Variants in PIEZO2 observed in about 807,000 individuals in gnomAD.
The protein encoded by PIEZO2 is piezo-type mechanosensitive ion channel component 2.
In PIEZO2, 172 loss-of-function variants were observed where a neutral mutation model predicts 337.3. The ratio of observed to expected loss-of-function variants is 0.51; its 90% CI spans 0.45 to 0.58. The LOEUF (loss-of-function observed/expected upper bound fraction) is 0.58. Ranked by LOEUF, PIEZO2 falls within the 20% of genes least tolerant of loss-of-function variation. The pLI is 0.00. For missense variants in PIEZO2, 3,028 were observed against 3,391.3 expected, an observed-to-expected ratio of 0.89 and a Z score of 2.66; for synonymous variants, 1,251 against 1,228.5, an observed-to-expected ratio of 1.02 and a Z score of -0.38.
chr18:10,907,692 G>A (rs1386809721), intron 4 of PIEZO2, among the ~76,000 whole-genome samples: 3 of 152,092 alleles, frequency 2.0e-5, no homozygotes, highest in Non-Finnish European at 4.4e-5. Context: ...ATTAGCACAG[G>A]CAGGGTGTCC....
intron 31 of PIEZO2, 28 bp from the exon 32 acceptor site, chr18:10,742,643 C>T (rs902677341): frequency 1.2e-5 from 18 of 1,535,320 alleles, no homozygotes; most frequent in Non-Finnish European, 1.5e-5. Context: ...ATTAGTAATG[C>T]CAAGAACATA....
At chr18:10,671,828 A>G in intron 55 of PIEZO2, 49 bp from the exon 56 acceptor site, 1 of 1,450,386 alleles carries the variant, frequency 6.9e-7, no homozygotes, top group Non-Finnish European at 9.2e-7. Flanking sequence ...AAATATAGTT[A>G]ATAAAGAAAA....
rs1473731967 is a variant in PIEZO2 at position 11,143,639 on chromosome 18, A to ACACACTCT, written c.64+4885_64+4886insAGAGTGTG. On this transcript the variant is annotated intron_variant, in intron 1 of 55. Coordinates refer to ENST00000674853, the MANE Select transcript of PIEZO2 (RefSeq NM_001378183.1). This position sits in a 1 kb window ranked among gnomAD's most constrained non-coding sequence, Gnocchi z 4.9. Reference sequence around the variant, plus strand: ...CACACACACACACACACACACACACACTCTCTCTCTCTCTCTCTCTCTCTC... The same window carrying ACACACTCT: ...CACACACACACACACACACACACACACACACTCTCTCTCTCTCTCTCTCTCTCTCTCTC... Among the ~76,000 whole-genome samples the ACACACTCT allele has an allele frequency of 5.5e-4, 51 of 92,828 alleles. No individual in the cohort carries two copies. The highest frequency in any genetic ancestry group is 2.5e-3 in the African/African-American group (47 of 18,794). 60.9% of individuals were successfully genotyped at this position (92,828 alleles called of 152,430 possible). A position where few individuals can be genotyped will look rare whatever the true frequency, so the allele number is the denominator to read the frequency against.
At chr18:10,958,447 GA>G (rs1383831052) in intron 3 of PIEZO2, among the ~76,000 whole-genome samples, 1 of 152,162 alleles carries the variant, frequency 6.6e-6, no homozygotes. Flanking sequence ...TTAGACTGAA[GA>G]CTAAGTGTTT....
chr18:10,794,114 A>G lies in PIEZO2; in HGVS notation c.1758+658T>C, dbSNP rs2144201057. Among the ~76,000 whole-genome samples, 1 of 152,318 alleles carries G rather than the reference A, an allele frequency of 6.6e-6. No individual in the cohort carries two copies. The highest frequency in any genetic ancestry group is 1.9e-4 in the East Asian group (1 of 5,186). ...TTTACTGTCTTAAAACTAAATTATT[A>G]ACACAAAGGGAATGTGTGTTTAGTC... is the stretch of plus-strand genomic sequence containing the variant. On this transcript the variant is annotated intron_variant, in intron 13 of 55. Transcript: ENST00000674853. The surrounding 1 kb of genome is among the most constrained non-coding windows in gnomAD (Gnocchi z 6.6).
At chr18:10,699,378 G>A (rs1008075142) in intron 43 of PIEZO2, among the ~76,000 whole-genome samples, 9 of 152,254 alleles carry the variant, frequency 5.9e-5, no homozygotes, top group East Asian at 1.9e-4. Context: ...GAGTCATGGC[G>A]GCAGGTCTTT....
At chr18:10,843,829 A>G (rs1426394296) in intron 7 of PIEZO2, among the ~76,000 whole-genome samples, 4 of 152,188 alleles carry the variant, frequency 2.6e-5, no homozygotes, top group Non-Finnish European at 5.9e-5. Context: ...CACACCCATT[A>G]GGTCCAGACC....
At chr18:11,023,391 A>G (rs1410475191) in intron 2 of PIEZO2, among the ~76,000 whole-genome samples, 1 of 152,158 alleles carries the variant, frequency 6.6e-6, no homozygotes, top group Admixed American at 6.5e-5. Flanking sequence ...AAGGTTCTCC[A>G]AGTCCCCACC....
intron 7 of PIEZO2, among the ~76,000 whole-genome samples, chr18:10,808,046 A>G (rs1399679625): frequency 6.6e-6 from 1 of 152,178 alleles, no homozygotes; most frequent in Non-Finnish European, 1.5e-5. Flanking sequence ...ATAAAACTTT[A>G]TAGGTTAAGT....
In PIEZO2 at chr18:11,126,424, T is replaced by C. The variant is rs1322317049; in HGVS notation, c.64+22101A>G. 1.3e-5 allele frequency among the ~76,000 whole-genome samples: 2 copies of C among 152,178 alleles called. No homozygotes were observed. The highest frequency in any genetic ancestry group is 2.9e-5 in the Non-Finnish European group (2 of 68,040). ...ATGACTGTTCCATCTTACTGTCCCC[T>C]AGGCCTGGTAAAGGGCACTCCTCAC... On this transcript the variant is annotated intron_variant, in intron 1 of 55. Transcript: ENST00000674853. This position sits in a 1 kb window ranked among gnomAD's most constrained non-coding sequence, Gnocchi z 4.6.
rs2038977327 is a variant in PIEZO2, at chr18:10,781,414, G to C, written c.2493-1048C>G. ...GAACCCAGGAGGTGGAGGTTGCAGT[G>C]AGCCGAGATGGCACCACTGCACTCC... On this transcript the variant is annotated intron_variant, in intron 17 of 55. Transcript: ENST00000674853. This position sits in a 1 kb window ranked among gnomAD's most constrained non-coding sequence, Gnocchi z 4.1. Among the ~76,000 whole-genome samples the C allele has an allele frequency of 6.6e-6, 1 of 151,936 alleles. No individual in the cohort carries two copies. Among genetic ancestry groups the C allele is most frequent in the African/African-American group, 2.4e-5 (1 of 41,424 alleles).
intron 7 of PIEZO2, among the ~76,000 whole-genome samples, chr18:10,845,901 A>G (rs2041343133): frequency 6.6e-6 from 1 of 152,216 alleles, no homozygotes; most frequent in Non-Finnish European, 1.5e-5. Context: ...ATATTTGCAA[A>G]CACCACGTTA....
intron 3 of PIEZO2, among the ~76,000 whole-genome samples, chr18:10,968,939 G>T (rs987319028): frequency 1.3e-5 from 2 of 152,114 alleles, no homozygotes; most frequent in Non-Finnish European, 2.9e-5. Flanking sequence ...AAGAAGAATT[G>T]TCCAAATCCA....
chr18:10,854,663 C>T lies in PIEZO2; in HGVS notation c.917+690G>A, dbSNP rs570428353. ...AATCGAAGCAAAGTATTTGATGTTT[C>T]TCCCTTTCTCTCTCACACCAGAGAC... On this transcript the variant is annotated intron_variant, in intron 7 of 55. Transcript: ENST00000674853. This position sits in a 1 kb window ranked among gnomAD's most constrained non-coding sequence, Gnocchi z 4.6. Among the ~76,000 whole-genome samples, 72 of 152,282 alleles carry T rather than the reference C, an allele frequency of 4.7e-4. 1 individual carries two copies. The highest frequency in any genetic ancestry group is 1.6e-3 in the African/African-American group (66 of 41,560).
intron 21 of PIEZO2, among the ~76,000 whole-genome samples, chr18:10,764,363 C>T (rs1288064312): frequency 1.3e-5 from 2 of 151,994 alleles, no homozygotes; most frequent in East Asian, 1.9e-4. Flanking sequence ...AAGAAGAGGC[C>T]GGGTGAGGTG....
chr18:10,784,623 CTTCCACATGT>C lies in PIEZO2; in HGVS notation c.2492+151_2492+160del, dbSNP rs1259755302. Among the ~76,000 whole-genome samples, 1 of 152,100 alleles carries C rather than the reference CTTCCACATGT, an allele frequency of 6.6e-6. No individual in the cohort carries two copies. The highest frequency in any genetic ancestry group is 1.5e-5 in the Non-Finnish European group (1 of 68,044). On this transcript the variant is annotated intron_variant, in intron 17 of 55. Transcript: ENST00000674853. The surrounding 1 kb of genome is among the most constrained non-coding windows in gnomAD (Gnocchi z 4.5). The stretch of plus-strand genomic sequence containing the variant: ...ATTGTTTCAGAACGTGTCACAGAAT[CTTCCACATGT>C]TTTCCTCTTTTTCTCACAAGCTGAT...
At position 10,982,547 on chromosome 18, in the gene PIEZO2, T is replaced by C. The variant is rs2034710831; in HGVS notation, c.161-2887A>G. ...CTTTTACACCTTTGACAAGTATATT[T>C]CAAAATATGTAAGAAAAGAATGCTT... On this transcript the variant is annotated intron_variant, in intron 2 of 55. Transcript: ENST00000674853. This position sits in a 1 kb window ranked among gnomAD's most constrained non-coding sequence, Gnocchi z 4.1. 6.6e-6 allele frequency among the ~76,000 whole-genome samples: 1 copy of C among 152,140 alleles called. No homozygotes were observed. The highest frequency in any genetic ancestry group is 6.5e-5 in the Admixed American group (1 of 15,276).
chr18:10,768,965 T>C (rs1470947366), intron 21 of PIEZO2, among the ~76,000 whole-genome samples: 1 of 152,186 alleles, frequency 6.6e-6, no homozygotes, highest in East Asian at 1.9e-4. Flanking sequence ...CACCACACTG[T>C]CTGAACACAC....
In PIEZO2 at chr18:10,680,242, G is replaced by A; in HGVS notation, c.7909C>T (p.Pro2637Ser). ...AAAACAACAGAGAAGCTACTATTGG[G>A]GTCCAGGAGTTCGTGTATCATTTTC... ...KQKMIHELLD[P>S]NSSFSVVFSW... The change falls in exon 52 of 56, where the codon CCC becomes TCC. Residue 2637 changes from proline (P) to serine (S), a missense_variant. This residue lies in a region of PIEZO2 where 332 missense variants were observed against 363.8 expected (regional missense o/e 0.91). Coordinates refer to ENST00000674853, the MANE Select transcript of PIEZO2 (RefSeq NM_001378183.1). The A allele has an allele frequency of 6.2e-7, 1 of 1,613,824 alleles. No homozygotes were observed. The highest frequency in any genetic ancestry group is 2.2e-5 in the East Asian group (1 of 44,852).
Sources: gnomAD v4.1 joint callset for allele counts (sites outside exome capture counted in the v4.1 genomes callset) on GRCh38, gnomAD v4.1.1 for gene constraint, gnomAD v4.1.1 regional missense constraint, Gnocchi (gnomAD v3.1) non-coding constraint, MANE v1.5 for transcripts, NCBI Gene and HGNC (gene_info 2026-07-23, HGNC 2026-07-21) for gene names.